The following IGF2BP3 variants were observed in gnomAD, a reference collection of about 807,000 sequenced individuals.
The protein encoded by IGF2BP3 is insulin like growth factor 2 mRNA binding protein 3, also known as insulin-like growth factor 2 mRNA-binding protein 3.
A neutral mutation model predicts 73.8 loss-of-function variants in IGF2BP3; 9 were observed. That is an observed-to-expected ratio of 0.12 (90% CI 0.07 to 0.21). The LOEUF (loss-of-function observed/expected upper bound fraction) is 0.21. Among genes scored for constraint, IGF2BP3 ranks in the 10% least tolerant of loss-of-function variants. IGF2BP3 has a pLI of 1.00. For synonymous variants in IGF2BP3, 258 were observed against 256.7 expected, an observed-to-expected ratio of 1.01 and a Z score of -0.05; for missense variants, 542 against 714.0, an observed-to-expected ratio of 0.76 and a Z score of 2.75.
At chr7:23,316,974 G>A (rs1178168835) in intron 12 of IGF2BP3, among the ~76,000 whole-genome samples, 1 of 152,140 alleles carries the variant, frequency 6.6e-6, no homozygotes, top group African/African-American at 2.4e-5. Flanking sequence ...TCTTATCCCT[G>A]GTTTTACAGA....
chr7:23,464,997 G>A (rs964457204), intron 2 of IGF2BP3, among the ~76,000 whole-genome samples: 1 of 152,134 alleles, frequency 6.6e-6, no homozygotes, highest in Non-Finnish European at 1.5e-5. Context: ...ATTTTAAAAA[G>A]TAATGGAAAT....
chr7:23,459,086 C>A (rs1788385718), intron 2 of IGF2BP3, among the ~76,000 whole-genome samples: 1 of 152,140 alleles, frequency 6.6e-6, no homozygotes, highest in South Asian at 2.1e-4. Flanking sequence ...ATTAGTTTTC[C>A]TTTCTTATAA....
At position 23,345,913 on chromosome 7, in the gene IGF2BP3, C is replaced by G. The variant is rs754588851; in HGVS notation, c.941+27G>C. 3.1e-6 allele frequency: 5 copies of G among 1,606,002 alleles called. No homozygotes were observed. The East Asian group carries it at 1.1e-4, about 36-fold the overall frequency. Reference sequence around the variant, plus strand: ...GCAGCTTACAGTGTTGGAAAGTTTTCTTATTCAAAAGCAAAGGAGCACTCA... The same window carrying G: ...GCAGCTTACAGTGTTGGAAAGTTTTGTTATTCAAAAGCAAAGGAGCACTCA... On this transcript the variant is annotated intron_variant, in intron 8 of 14. Coordinates refer to ENST00000258729, the MANE Select transcript of IGF2BP3 (RefSeq NM_006547.3).
chr7:23,411,537 C>T (rs576764880), intron 3 of IGF2BP3, among the ~76,000 whole-genome samples: 88 of 152,262 alleles, frequency 5.8e-4, no homozygotes, highest in African/African-American at 2.0e-3. Context: ...GCAGAGATCA[C>T]GCCACTGCAC....
intron 10 of IGF2BP3, among the ~76,000 whole-genome samples, chr7:23,326,656 T>G (rs1784305118): frequency 6.7e-6 from 1 of 148,176 alleles, no homozygotes; most frequent in African/African-American, 2.5e-5. Context: ...AGCAAAGACT[T>G]GGAACCAACC....
At chr7:23,453,907 G>A (rs1049321972) in intron 2 of IGF2BP3, among the ~76,000 whole-genome samples, 2 of 152,152 alleles carry the variant, frequency 1.3e-5, no homozygotes, top group Non-Finnish European at 2.9e-5. Flanking sequence ...TTGGAATGCA[G>A]TGGTGCAAAC....
intron 3 of IGF2BP3, among the ~76,000 whole-genome samples, chr7:23,412,784 T>G (rs1787064934): frequency 6.6e-6 from 1 of 150,380 alleles, no homozygotes; most frequent in Non-Finnish European, 1.5e-5. Context: ...GACTGGAGAG[T>G]AGTTTCAAGG....
intron 3 of IGF2BP3, among the ~76,000 whole-genome samples, chr7:23,385,239 T>C (rs1007832663): frequency 1.3e-5 from 2 of 152,210 alleles, no homozygotes; most frequent in Non-Finnish European, 2.9e-5. Context: ...ATGTACTTCC[T>C]GACAGAAGTC....
At position 23,310,577 on chromosome 7, in the gene IGF2BP3, G is replaced by A. The variant is rs866725676; in HGVS notation, c.*1785C>T. 2.0e-5 allele frequency: 3 copies of A among 152,100 alleles called. No individual in the cohort carries two copies. Among genetic ancestry groups the A allele is most frequent in the Non-Finnish European group, 4.4e-5 (3 of 68,026 alleles). 9.4% of individuals were successfully genotyped at this position (152,100 alleles called of 1,614,324 possible). ...ACCAGAAAGCCAGTCCATGATTTTAGCAATTTTAATTCATTGTATGAAAAA... is the reference window on the plus strand; with the variant it reads ...ACCAGAAAGCCAGTCCATGATTTTAACAATTTTAATTCATTGTATGAAAAA... On this transcript the variant is annotated 3_prime_UTR_variant, in exon 15 of 15. Coordinates refer to ENST00000258729, the MANE Select transcript of IGF2BP3 (RefSeq NM_006547.3).
At chr7:23,438,942 T>C (rs886815151) in intron 2 of IGF2BP3, among the ~76,000 whole-genome samples, 3 of 152,186 alleles carry the variant, frequency 2.0e-5, no homozygotes, top group African/African-American at 7.2e-5. Flanking sequence ...TCAATTTCAA[T>C]TTAAAAAGTT....
intron 10 of IGF2BP3, among the ~76,000 whole-genome samples, chr7:23,322,156 G>A (rs1182889008): frequency 6.6e-6 from 1 of 152,180 alleles, no homozygotes; most frequent in East Asian, 1.9e-4. Context: ...CAAAGGCAAA[G>A]AAGTTGAAAA....
Position 23,374,302 on chromosome 7 carries a change from G to C in IGF2BP3, c.286-12561C>G, listed in dbSNP as rs1356143403. Among the ~76,000 whole-genome samples, 3 of 152,122 alleles carry C rather than the reference G, an allele frequency of 2.0e-5. No homozygotes were observed. In the East Asian group the frequency reaches 5.8e-4, roughly 29 times the overall value. On this transcript the variant is annotated intron_variant, in intron 3 of 14. Coordinates refer to ENST00000258729, the MANE Select transcript of IGF2BP3 (RefSeq NM_006547.3). ...ACAGTCATCCCTCGGTATCTGTGAG[G>C]GATTGGTTTCAGCAACCCCCTACCT...
rs1783840407 is a variant in IGF2BP3 at position 23,311,902 on chromosome 7, T to G, written c.*460A>C. The G allele has an allele frequency of 6.5e-6, 1 of 154,978 alleles. No individual in the cohort carries two copies. Among genetic ancestry groups the G allele is most frequent in the East Asian group, 1.9e-4 (1 of 5,278 alleles). The allele number at this position is 154,978 out of a possible 1,614,324, so 9.6% of individuals were successfully genotyped here. On this transcript the variant is annotated 3_prime_UTR_variant, in exon 15 of 15. Transcript: ENST00000258729. ...AGGTAAAAATAAAACTGAGAACAGTTTTTCTATGCTAATGGCTTAACATTT... is the reference window on the plus strand; with the variant it reads ...AGGTAAAAATAAAACTGAGAACAGTGTTTCTATGCTAATGGCTTAACATTT...
intron 3 of IGF2BP3, among the ~76,000 whole-genome samples, chr7:23,393,147 C>T (rs574040058): frequency 3.9e-5 from 6 of 152,146 alleles, no homozygotes; most frequent in South Asian, 2.1e-4. Context: ...GTCTTCTGCC[C>T]GCTGGAGTGG....
At chr7:23,404,871 T>C (rs1366129238) in intron 3 of IGF2BP3, 2 of 152,200 alleles carry the variant, frequency 1.3e-5, no homozygotes, top group Non-Finnish European at 2.9e-5. Context: ...ATTGGTTTAC[T>C]GTTCTAAAAC....
At chr7:23,393,169 G>T (rs1197545489) in intron 3 of IGF2BP3, among the ~76,000 whole-genome samples, 2 of 152,026 alleles carry the variant, frequency 1.3e-5, no homozygotes, top group African/African-American at 2.4e-5. Context: ...CTTCCAGAAG[G>T]ACCCTTTACC....
chr7:23,418,755 T>C, intron 3 of IGF2BP3, 21 bp downstream of exon 3: 1 of 1,522,942 alleles, frequency 6.6e-7, no homozygotes, highest in African/African-American at 1.4e-5. Flanking sequence ...AGATCTTAAT[T>C]TTAAATACAG....
intron 2 of IGF2BP3, among the ~76,000 whole-genome samples, chr7:23,435,153 T>G (rs961570945): frequency 2.6e-5 from 4 of 151,006 alleles, no homozygotes; most frequent in African/African-American, 9.7e-5. Flanking sequence ...ATTAGCCAGG[T>G]GTGGTGGCGG....
chr7:23,325,570 T>C (rs1784270861), intron 10 of IGF2BP3, among the ~76,000 whole-genome samples: 1 of 152,176 alleles, frequency 6.6e-6, no homozygotes, highest in Non-Finnish European at 1.5e-5. Context: ...TGGAAAAAAC[T>C]ACTTCAAAGT....
Sources: allele counts gnomAD v4.1 joint callset (sites outside exome capture counted in the v4.1 genomes callset), GRCh38; gene constraint gnomAD v4.1.1; transcripts MANE v1.5; gene names NCBI Gene and HGNC (gene_info 2026-07-23, HGNC 2026-07-21).